Variants in PRKAR2B observed in about 807,000 individuals in gnomAD.
PRKAR2B encodes protein kinase cAMP-dependent type II regulatory subunit beta, also known as cAMP-dependent protein kinase type II-beta regulatory subunit.
In PRKAR2B, 14 loss-of-function variants were observed where a neutral mutation model predicts 49.9. The observed-to-expected ratio is 0.28, with a 90% CI of 0.19 to 0.44. The LOEUF (loss-of-function observed/expected upper bound fraction) is 0.44, where lower values mean the gene tolerates loss of function less well. Ranked by LOEUF, PRKAR2B falls within the 20% of genes least tolerant of loss-of-function variation. PRKAR2B has a pLI of 1.00. For synonymous variants in PRKAR2B, 196 were observed against 197.7 expected, an observed-to-expected ratio of 0.99 and a Z score of 0.07; for missense variants, 393 against 537.9, an observed-to-expected ratio of 0.73 and a Z score of 2.67.
rs150660920 is a variant in PRKAR2B, at chr7:107,080,603, G to T, written c.343+10287G>T. 2.9e-3 allele frequency among the ~76,000 whole-genome samples: 439 copies of T among 152,302 alleles called. 4 individuals carry two copies. Among genetic ancestry groups the T allele is most frequent in the African/African-American group, 0.01 (416 of 41,562 alleles). On this transcript the variant is annotated intron_variant, in intron 2 of 10. Transcript: ENST00000265717. ...TTACATCTTGTGGATGACCAAGGGTGACAGAGCAAAGAGGACATAGTTGGA... is the reference window on the plus strand; with the variant it reads ...TTACATCTTGTGGATGACCAAGGGTTACAGAGCAAAGAGGACATAGTTGGA...
chr7:107,067,598 G>A (rs1250001248), intron 1 of PRKAR2B, among the ~76,000 whole-genome samples: 2 of 152,186 alleles, frequency 1.3e-5, no homozygotes, highest in Admixed American at 1.3e-4. Context: ...ATGTATTTCA[G>A]TAGGTATGTG....
chr7:107,134,214 A>G (rs1795656694), intron 4 of PRKAR2B, among the ~76,000 whole-genome samples: 1 of 152,022 alleles, frequency 6.6e-6, no homozygotes, highest in Admixed American at 6.6e-5. Context: ...TTTTTAGTAG[A>G]CATGGAGTTT....
chr7:107,064,598 C>T (rs1302423138), intron 1 of PRKAR2B, among the ~76,000 whole-genome samples: 1 of 152,166 alleles, frequency 6.6e-6, no homozygotes, highest in Non-Finnish European at 1.5e-5. Flanking sequence ...TCTGTGTCTC[C>T]TTGAGACCAA....
At chr7:107,153,632 T>C (rs897019945) in intron 8 of PRKAR2B, among the ~76,000 whole-genome samples, 1 of 152,242 alleles carries the variant, frequency 6.6e-6, no homozygotes, top group Non-Finnish European at 1.5e-5. Context: ...TGCTCCTTGA[T>C]AAAATTCACC....
chr7:107,073,488 A>G (rs1311612590), intron 2 of PRKAR2B, among the ~76,000 whole-genome samples: 1 of 152,224 alleles, frequency 6.6e-6, no homozygotes, highest in Non-Finnish European at 1.5e-5. Flanking sequence ...GAAGGCATGT[A>G]GAAAGCATGA....
chr7:107,053,429 A>G (rs1466533461), intron 1 of PRKAR2B, among the ~76,000 whole-genome samples: 1 of 152,144 alleles, frequency 6.6e-6, no homozygotes, highest in African/African-American at 2.4e-5. Flanking sequence ...TGGAGACTAC[A>G]GCTGTAAACA....
chr7:107,081,289 C>A (rs886304252), intron 2 of PRKAR2B, among the ~76,000 whole-genome samples: 1 of 152,102 alleles, frequency 6.6e-6, no homozygotes, highest in Non-Finnish European at 1.5e-5. Context: ...AGAAAAGCAA[C>A]CTCAGTCCCT....
At chr7:107,071,865 G>A (rs1794283266) in intron 2 of PRKAR2B, among the ~76,000 whole-genome samples, 1 of 151,842 alleles carries the variant, frequency 6.6e-6, no homozygotes, top group Non-Finnish European at 1.5e-5. Context: ...GGAGATCAAG[G>A]CCATCCTGGC....
intron 1 of PRKAR2B, among the ~76,000 whole-genome samples, chr7:107,050,051 A>C (rs1584399699): frequency 6.6e-6 from 1 of 152,170 alleles, no homozygotes; most frequent in Non-Finnish European, 1.5e-5. Context: ...GGATTGCTTT[A>C]GGGGTTGAAA....
In PRKAR2B at chr7:107,161,138, G is replaced by C. The variant is rs1224382046; in HGVS notation, c.*1556G>C. 1.3e-5 allele frequency: 2 copies of C among 152,182 alleles called. No homozygotes were observed. The allele number at this position is 152,182 out of a possible 1,614,324, so 9.4% of individuals were successfully genotyped here. On this transcript the variant is annotated 3_prime_UTR_variant, in exon 11 of 11. Transcript: ENST00000265717. ...TATATAAGAAGTTAAAGTATGTAAA[G>C]TATAACTTCAGCCACATTTTTAGAA...
intron 4 of PRKAR2B, among the ~76,000 whole-genome samples, chr7:107,130,321 A>G (rs913223922): frequency 3.3e-5 from 5 of 151,714 alleles, no homozygotes; most frequent in Non-Finnish European, 5.9e-5. Flanking sequence ...AACATGGTGA[A>G]ACACTGTCTC....
intron 2 of PRKAR2B, among the ~76,000 whole-genome samples, chr7:107,088,084 CTAT>C (rs1303975134): frequency 6.6e-6 from 1 of 152,012 alleles, no homozygotes; most frequent in Non-Finnish European, 1.5e-5. Flanking sequence ...CTTTTAGATA[CTAT>C]TATTATTTCC....
At chr7:107,058,119 C>T (rs1419639030) in intron 1 of PRKAR2B, among the ~76,000 whole-genome samples, 1 of 151,492 alleles carries the variant, frequency 6.6e-6, no homozygotes, top group Non-Finnish European at 1.5e-5. Context: ...CCATCCTTTC[C>T]CCTGAGAAAC....
At chr7:107,115,805 T>C (rs558359425) in intron 2 of PRKAR2B, among the ~76,000 whole-genome samples, 41 of 152,324 alleles carry the variant, frequency 2.7e-4, no homozygotes, top group Admixed American at 2.4e-3. Flanking sequence ...TTCCCCATCT[T>C]GCTGAAGTTA....
intron 1 of PRKAR2B, among the ~76,000 whole-genome samples, chr7:107,067,992 G>A (rs1794187031): frequency 6.6e-6 from 1 of 152,198 alleles, no homozygotes; most frequent in South Asian, 2.1e-4. Flanking sequence ...CAGGACAAAA[G>A]TTGAAGGTTG....
chr7:107,145,102 A>G (rs1795866828), intron 5 of PRKAR2B, among the ~76,000 whole-genome samples: 1 of 152,192 alleles, frequency 6.6e-6, no homozygotes, highest in South Asian at 2.1e-4. Flanking sequence ...TTAGATATCT[A>G]GTCTGAATTT....
At chr7:107,116,443 A>G (rs1329290979) in intron 2 of PRKAR2B, among the ~76,000 whole-genome samples, 1 of 152,134 alleles carries the variant, frequency 6.6e-6, no homozygotes, top group Non-Finnish European at 1.5e-5. Context: ...TGTTTCTATA[A>G]ATGTTTTAAA....
intron 2 of PRKAR2B, among the ~76,000 whole-genome samples, chr7:107,089,063 G>A (rs1794673398): frequency 6.6e-6 from 1 of 152,224 alleles, no homozygotes; most frequent in South Asian, 2.1e-4. Context: ...CTGCTACTCG[G>A]TAGGCTGAGG....
At chr7:107,066,198 G>A (rs1794138588) in intron 1 of PRKAR2B, among the ~76,000 whole-genome samples, 1 of 151,798 alleles carries the variant, frequency 6.6e-6, no homozygotes, top group Admixed American at 6.6e-5. Flanking sequence ...AAAAATGCTA[G>A]GATTTTACTC....
Sources: gnomAD v4.1 joint callset for allele counts (sites outside exome capture counted in the v4.1 genomes callset) on GRCh38, gnomAD v4.1.1 for gene constraint, MANE v1.5 for transcripts, NCBI Gene and HGNC (gene_info 2026-07-23, HGNC 2026-07-21) for gene names.